SORCS1: variants seen among roughly 807,000 people sequenced by gnomAD.
SORCS1 encodes the protein VPS10 domain-containing receptor SorCS1.
SORCS1 carries 60 observed loss-of-function variants against 146.1 expected under a neutral mutation model. The observed-to-expected ratio is 0.41, with a 90% CI of 0.33 to 0.51. SORCS1 has a LOEUF of 0.51. Among genes scored for constraint, SORCS1 ranks in the 20% least tolerant of loss-of-function variants. The pLI is 0.21. For missense variants in SORCS1, 1,352 were observed against 1,487.6 expected, an observed-to-expected ratio of 0.91 and a Z score of 1.50; for synonymous variants, 637 against 584.0, an observed-to-expected ratio of 1.09 and a Z score of -1.31.
intron 5 of SORCS1, among the ~76,000 whole-genome samples, chr10:106,732,926 C>T (rs1856700964): frequency 6.6e-6 from 1 of 151,904 alleles, no homozygotes; most frequent in African/African-American, 2.4e-5. Context: ...TGAGACCATC[C>T]TGGCCAACAT....
chr10:106,819,431 T>C (rs1288523607), intron 3 of SORCS1, among the ~76,000 whole-genome samples: 1 of 152,210 alleles, frequency 6.6e-6, no homozygotes, highest in Non-Finnish European at 1.5e-5. Flanking sequence ...AAATTCATAA[T>C]GACCACCTTC....
chr10:106,966,362 G>GT (rs1295264765), intron 1 of SORCS1, among the ~76,000 whole-genome samples: 1 of 152,172 alleles, frequency 6.6e-6, no homozygotes, highest in Non-Finnish European at 1.5e-5. Flanking sequence ...TGAAAAAATG[G>GT]TAGAAACAGT....
chr10:107,149,339 C>T lies in SORCS1; in HGVS notation c.558+14630G>A, dbSNP rs538863982. ...AAGGCATAACTAAGTTTGGATAACA[C>T]TGGAGTGGAATATTCTATTGCATTT... is the stretch of plus-strand genomic sequence containing the variant. On this transcript the variant is annotated intron_variant, in intron 1 of 25. Transcript: ENST00000263054. Among the ~76,000 whole-genome samples, 320 of 152,254 alleles carry T rather than the reference C, an allele frequency of 2.1e-3. 2 individuals are homozygous for T. The highest frequency in any genetic ancestry group is 7.2e-3 in the African/African-American group (301 of 41,526).
chr10:107,014,239 G>A (rs111703634), intron 1 of SORCS1, among the ~76,000 whole-genome samples: 12,055 of 139,766 alleles, frequency 0.086, 1,488 homozygotes, highest in African/African-American at 0.28. Flanking sequence ...ACCAGACAGA[G>A]GGAGACCCTG....
intron 2 of SORCS1, among the ~76,000 whole-genome samples, chr10:106,838,204 T>A (rs552627949): frequency 6.6e-6 from 1 of 152,298 alleles, no homozygotes; most frequent in Non-Finnish European, 1.5e-5. Flanking sequence ...GAAGATAAAA[T>A]CAGCCGTGTG....
At chr10:107,051,626 T>C (rs1435257462) in intron 1 of SORCS1, among the ~76,000 whole-genome samples, 1 of 152,174 alleles carries the variant, frequency 6.6e-6, no homozygotes, top group Non-Finnish European at 1.5e-5. Flanking sequence ...TGGAGATTCA[T>C]GGACTCTTGT....
chr10:107,004,706 T>C (rs1384592817), intron 1 of SORCS1, among the ~76,000 whole-genome samples: 2 of 152,168 alleles, frequency 1.3e-5, no homozygotes, highest in Admixed American at 1.3e-4. Flanking sequence ...TGGCTACTCT[T>C]CTGGGAAGCC....
At chr10:107,088,185 G>A (rs930952074) in intron 1 of SORCS1, among the ~76,000 whole-genome samples, 7 of 150,408 alleles carry the variant, frequency 4.7e-5, no homozygotes, top group Middle Eastern at 3.5e-3. Flanking sequence ...ACCGTGCCCG[G>A]CCTGAATTTA....
intron 2 of SORCS1, among the ~76,000 whole-genome samples, chr10:106,855,527 T>C (rs1949753185): frequency 6.6e-6 from 1 of 152,200 alleles, no homozygotes. Context: ...ATACATATAT[T>C]ACACTTTTGT....
At chr10:107,162,081 T>A (rs1237887624) in intron 1 of SORCS1, among the ~76,000 whole-genome samples, 3 of 152,244 alleles carry the variant, frequency 2.0e-5, no homozygotes, top group Admixed American at 1.3e-4. Context: ...CCATTTATTA[T>A]TATTTTTTAA....
chr10:106,765,967 G>A (rs1365692824), intron 4 of SORCS1, among the ~76,000 whole-genome samples: 2 of 152,154 alleles, frequency 1.3e-5, no homozygotes, highest in African/African-American at 2.4e-5. Context: ...AGAAATTTGT[G>A]CTACGAGAAT....
At chr10:107,162,063 T>A (rs2243580) in intron 1 of SORCS1, among the ~76,000 whole-genome samples, 4,039 of 152,300 alleles carry the variant, frequency 0.027, 181 homozygotes, top group African/African-American at 0.093. Context: ...CTACTAGAAT[T>A]ATAAGCACCA....
Position 106,671,326 on chromosome 10 carries a change from C to T in SORCS1, c.2100G>A (p.Lys700=). 1 of 1,614,128 alleles carries T rather than the reference C, an allele frequency of 6.2e-7. No homozygotes were observed. The highest frequency in any genetic ancestry group is 2.2e-5 in the East Asian group (1 of 44,866). Residue 700 remains lysine, a synonymous_variant, in exon 16 of 26, where the codon AAG becomes AAA. Transcript: ENST00000263054. Reference sequence around the variant, plus strand: ...GCATACACTTCCGCTCTGATTTTCGCTTCTTATATATCCTTTTTGCTCCCA... The same window carrying T: ...GCATACACTTCCGCTCTGATTTTCGTTTCTTATATATCCTTTTTGCTCCCA... ...CIMGAKRIYK[K]RKSERKCMQG... is the part of the protein sequence containing the mutation.
At chr10:106,685,425 C>A (rs1038585310) in intron 10 of SORCS1, among the ~76,000 whole-genome samples, 1 of 152,076 alleles carries the variant, frequency 6.6e-6, no homozygotes, top group Admixed American at 6.5e-5. Flanking sequence ...AAGTAGTACA[C>A]CTGCTCATTT....
chr10:107,020,580 C>T (rs1958084739), intron 1 of SORCS1, among the ~76,000 whole-genome samples: 1 of 152,192 alleles, frequency 6.6e-6, no homozygotes, highest in Non-Finnish European at 1.5e-5. Flanking sequence ...TCAAAAGGTG[C>T]TTTCAGGGAA....
intron 3 of SORCS1, among the ~76,000 whole-genome samples, chr10:106,793,877 C>T (rs905963539): frequency 2.6e-5 from 4 of 152,204 alleles, no homozygotes; most frequent in Admixed American, 2.6e-4. Flanking sequence ...ATAAACAAAA[C>T]ATATGTCTCC....
chr10:106,832,801 T>G (rs1409461472), intron 2 of SORCS1, among the ~76,000 whole-genome samples: 1 of 152,102 alleles, frequency 6.6e-6, no homozygotes, highest in Non-Finnish European at 1.5e-5. Context: ...ATGGTTCAAT[T>G]TTCCTAGTGG....
In SORCS1 at chr10:106,716,046, C is replaced by T. The variant is rs533015220; in HGVS notation, c.1025-6705G>A. Among the ~76,000 whole-genome samples, 15 of 152,238 alleles carry T rather than the reference C, an allele frequency of 9.9e-5. No individual in the cohort carries two copies. The East Asian group carries it at 2.5e-3, about 25-fold the overall frequency. The stretch of plus-strand genomic sequence containing the variant: ...GATTACAGGAGTGAGCCACCACACC[C>T]GGCCACTTCTTTCTTTTTATATTCA... On this transcript the variant is annotated intron_variant, in intron 6 of 25. Transcript: ENST00000263054.
intron 1 of SORCS1, among the ~76,000 whole-genome samples, chr10:106,968,221 G>T (rs368528117): frequency 0.044 from 6,756 of 152,006 alleles, 179 homozygotes; most frequent in Non-Finnish European, 0.053. Flanking sequence ...AAAAAAAAGA[G>T]AAAAGATGTA....
Sources: gnomAD v4.1 joint callset for allele counts (sites outside exome capture counted in the v4.1 genomes callset) on GRCh38, gnomAD v4.1.1 for gene constraint, MANE v1.5 for transcripts, NCBI Gene and HGNC (gene_info 2026-07-23, HGNC 2026-07-21) for gene names.